NXPE2: variants seen among roughly 807,000 people sequenced by gnomAD.
The protein encoded by NXPE2 is neurexophilin and PC-esterase domain family member 2.
In NXPE2, 34 loss-of-function variants were observed where a neutral mutation model predicts 34.4. The ratio of observed to expected loss-of-function variants is 0.99; its 90% CI spans 0.75 to 1.31. The LOEUF (loss-of-function observed/expected upper bound fraction) is 1.31, where lower values mean the gene tolerates loss of function less well. Ranked by LOEUF, NXPE2 falls within the 40% of genes most tolerant of loss-of-function variation. The pLI, the probability that NXPE2 is intolerant of heterozygous loss-of-function variation, is 0.00. For missense variants in NXPE2, 649 were observed against 672.5 expected (o/e 0.97, Z 0.39); for synonymous variants, 235 against 231.3 (o/e 1.02, Z -0.15).
chr11:114,479,421 A>G, the NXPE2 span, among the ~76,000 whole-genome samples: 1 of 152,112 alleles, frequency 6.6e-6, no homozygotes, highest in African/African-American at 2.4e-5. Context: ...GCATTTGAGA[A>G]ATATTTAGGA....
chr11:114,804,092 C>T, the NXPE2 span, among the ~76,000 whole-genome samples: 1 of 152,220 alleles, frequency 6.6e-6, no homozygotes, highest in Non-Finnish European at 1.5e-5. Flanking sequence ...AACAGGCTGT[C>T]CCTGCAATGC....
chr11:114,773,557 C>T, the NXPE2 span, among the ~76,000 whole-genome samples: 2 of 152,096 alleles, frequency 1.3e-5, no homozygotes, highest in Non-Finnish European at 2.9e-5. Flanking sequence ...GTTCTTTGTT[C>T]CTCTTCATGT....
At chr11:114,542,010 C>T in the NXPE2 span, among the ~76,000 whole-genome samples, 834 of 152,240 alleles carry the variant, frequency 5.5e-3, 10 homozygotes, top group African/African-American at 0.018. Flanking sequence ...TAAAAATTCC[C>T]ACTATGGCTG....
the NXPE2 span, among the ~76,000 whole-genome samples, chr11:114,643,964 G>A: frequency 1.3e-5 from 2 of 152,028 alleles, no homozygotes; most frequent in East Asian, 3.9e-4. Flanking sequence ...AGTTCCCCTT[G>A]AAGAGGTCCT....
At chr11:114,602,247 AAT>A in the NXPE2 span, among the ~76,000 whole-genome samples, 886 of 117,256 alleles carry the variant, frequency 7.6e-3, 10 homozygotes, top group African/African-American at 0.029. Flanking sequence ...TACTATATAC[AAT>A]ATATGTTATA....
the NXPE2 span, among the ~76,000 whole-genome samples, chr11:114,805,646 C>G: frequency 6.6e-6 from 1 of 152,188 alleles, no homozygotes; most frequent in African/African-American, 2.4e-5. Flanking sequence ...GGGGGAGGGG[C>G]GCCTGCCATT....
At chr11:114,643,874 A>G in the NXPE2 span, among the ~76,000 whole-genome samples, 1 of 152,108 alleles carries the variant, frequency 6.6e-6, no homozygotes, top group Admixed American at 6.6e-5. Flanking sequence ...CTTTCATGAT[A>G]TTAATTCTTC....
the NXPE2 span, among the ~76,000 whole-genome samples, chr11:114,569,730 C>G: frequency 6.6e-6 from 1 of 152,162 alleles, no homozygotes; most frequent in Non-Finnish European, 1.5e-5. Context: ...AGTGACCCTT[C>G]CACCTCAGCC....
chr11:114,782,825 G>C, the NXPE2 span, among the ~76,000 whole-genome samples: 254 of 152,306 alleles, frequency 1.7e-3, no homozygotes, highest in African/African-American at 5.4e-3. Flanking sequence ...ATGAAAGCCA[G>C]ATTCCAGCCG....
At chr11:114,558,412 A>G in the NXPE2 span, among the ~76,000 whole-genome samples, 1,254 of 152,220 alleles carry the variant, frequency 8.2e-3, 21 homozygotes, top group African/African-American at 0.029. Flanking sequence ...GTTAGTTTCA[A>G]CATTTTACTA....
the NXPE2 span, among the ~76,000 whole-genome samples, chr11:114,793,569 C>G: frequency 1.3e-5 from 2 of 152,136 alleles, no homozygotes; most frequent in African/African-American, 4.8e-5. Flanking sequence ...CTTAACCTGG[C>G]CTTCTGCGAT....
At chr11:114,580,187 T>C in the NXPE2 span, 2 of 1,614,088 alleles carry the variant, frequency 1.2e-6, no homozygotes, top group South Asian at 2.2e-5. Context: ...AATCTCCCAT[T>C]AGGTATATGA....
At chr11:114,536,560 G>A in the NXPE2 span, among the ~76,000 whole-genome samples, 4 of 152,160 alleles carry the variant, frequency 2.6e-5, no homozygotes, top group African/African-American at 9.6e-5. Flanking sequence ...AGAAAAGAGA[G>A]AAGAATCAAA....
At chr11:114,606,748 TAAG>T in the NXPE2 span, among the ~76,000 whole-genome samples, 1 of 151,926 alleles carries the variant, frequency 6.6e-6, no homozygotes, top group Non-Finnish European at 1.5e-5. Flanking sequence ...TGCTGGATAA[TAAG>T]TAGTACCACA....
the NXPE2 span, among the ~76,000 whole-genome samples, chr11:114,570,350 A>C: frequency 1.3e-5 from 2 of 152,196 alleles, no homozygotes; most frequent in African/African-American, 4.8e-5. Flanking sequence ...CCTGAATTCT[A>C]GTGGCCCGTG....
the NXPE2 span, among the ~76,000 whole-genome samples, chr11:114,531,147 G>T: frequency 6.6e-6 from 1 of 151,704 alleles, no homozygotes; most frequent in Non-Finnish European, 1.5e-5. Context: ...TATTTAAATT[G>T]TGATAATTTT....
chr11:114,615,191 T>C, the NXPE2 span, among the ~76,000 whole-genome samples: 4 of 151,988 alleles, frequency 2.6e-5, no homozygotes, highest in Admixed American at 2.6e-4. Flanking sequence ...CCTTCGTTGG[T>C]AACCACTGTT....
chr11:114,602,038 T>C, the NXPE2 span, among the ~76,000 whole-genome samples: 2 of 91,452 alleles, frequency 2.2e-5, no homozygotes, highest in Non-Finnish European at 3.7e-5. Context: ...TTATACTATA[T>C]AATATATATT....
chr11:114,733,329 G>T, the NXPE2 span, among the ~76,000 whole-genome samples: 2 of 152,146 alleles, frequency 1.3e-5, no homozygotes, highest in Non-Finnish European at 2.9e-5. Context: ...TCCTGACCTC[G>T]TGATCTGCCC....
Sources: allele counts gnomAD v4.1 joint callset (sites outside exome capture counted in the v4.1 genomes callset), GRCh38; gene constraint gnomAD v4.1.1; transcripts MANE v1.5; gene names NCBI Gene and HGNC (gene_info 2026-07-23, HGNC 2026-07-21).